Variants in OR1F1 observed in about 807,000 individuals in gnomAD.
OR1F1 encodes olfactory receptor family 1 subfamily F member 1, also known as olfactory receptor 1F1.
For synonymous variants in OR1F1, 184 were observed against 156.7 expected, an observed-to-expected ratio of 1.17 and a Z score of -1.30; for missense variants, 493 against 376.3, an observed-to-expected ratio of 1.31 and a Z score of -2.57.
the OR1F1 span, among the ~76,000 whole-genome samples, chr16:3,189,094 T>C: frequency 6.6e-6 from 1 of 152,142 alleles, no homozygotes; most frequent in Non-Finnish European, 1.5e-5. Flanking sequence ...AAACTCGCTT[T>C]CTGGGTTTTG....
At chr16:3,190,735 G>A in the OR1F1 span, among the ~76,000 whole-genome samples, 1 of 129,202 alleles carries the variant, frequency 7.7e-6, no homozygotes, top group South Asian at 2.6e-4. Flanking sequence ...TGGGTGACAA[G>A]GTAAGACTCT....
chr16:3,203,540 C>T (rs146161819), upstream of OR1F1, among the ~76,000 whole-genome samples: 5,350 of 152,190 alleles, frequency 0.035, 310 homozygotes, highest in African/African-American at 0.12. Flanking sequence ...CCAAGGCGGG[C>T]GGATCACGAG....
the OR1F1 span, among the ~76,000 whole-genome samples, chr16:3,192,072 T>C: frequency 3.9e-5 from 6 of 152,298 alleles, no homozygotes; most frequent in South Asian, 6.2e-4. Context: ...TCTTCTTATT[T>C]TTGAGACAGA....
At chr16:3,192,024 A>G in the OR1F1 span, among the ~76,000 whole-genome samples, 44,977 of 151,376 alleles carry the variant, frequency 0.3, 7,628 homozygotes, top group African/African-American at 0.47. Context: ...CTCGCTTAGG[A>G]TGCGAGAGGT....
upstream of OR1F1, among the ~76,000 whole-genome samples, chr16:3,200,040 AAGTT>A (rs1958119692): frequency 6.6e-6 from 1 of 151,986 alleles, no homozygotes; most frequent in Non-Finnish European, 1.5e-5. Flanking sequence ...AAGAAGAACA[AAGTT>A]AGGTGCAGAA....
the OR1F1 span, among the ~76,000 whole-genome samples, chr16:3,199,224 G>T: frequency 6.6e-6 from 1 of 150,654 alleles, no homozygotes; most frequent in Non-Finnish European, 1.5e-5. Context: ...AATCACCTGA[G>T]CCTGGAAGGT....
exon 1 of OR1F1, chr16:3,204,931 C>G: frequency 6.2e-7 from 1 of 1,614,152 alleles, no homozygotes; most frequent in Non-Finnish European, 8.5e-7. Context: ...CCTGAAGGTC[C>G]CATCCACAAA....
chr16:3,205,222 T>G, downstream of OR1F1: 1 of 1,495,278 alleles, frequency 6.7e-7, no homozygotes, highest in Non-Finnish European at 9.1e-7. Flanking sequence ...CCCAAGGAAA[T>G]TTATTTTTCA....
chr16:3,204,848 G>C (rs746229342), exon 1 of OR1F1: 3 of 1,614,078 alleles, frequency 1.9e-6, no homozygotes, highest in Non-Finnish European at 2.5e-6. Context: ...ATAATCCTTA[G>C]TGAGGGTGCC....
upstream of OR1F1, among the ~76,000 whole-genome samples, chr16:3,202,938 T>G (rs1026104278): frequency 6.6e-6 from 1 of 152,074 alleles, no homozygotes; most frequent in South Asian, 2.1e-4. Context: ...AATTGAGTGC[T>G]GGTCTGTGAA....
chr16:3,206,021 G>T (rs944502319), downstream of OR1F1, among the ~76,000 whole-genome samples: 2 of 152,208 alleles, frequency 1.3e-5, no homozygotes, highest in Non-Finnish European at 2.9e-5. Context: ...GCCTATAAAT[G>T]GACGTGCAAG....
At chr16:3,205,323 T>C, downstream of OR1F1, 1 of 666,398 alleles carries the variant, frequency 1.5e-6, no homozygotes, top group Non-Finnish European at 2.5e-6. Flanking sequence ...CTATTAATTA[T>C]AATTTTTTTT....
the OR1F1 span, among the ~76,000 whole-genome samples, chr16:3,197,735 G>A: frequency 3.2e-5 from 4 of 123,994 alleles, no homozygotes; most frequent in Non-Finnish European, 3.4e-5. Context: ...GAGAGGGAGA[G>A]GGAGAAGGAG....
the OR1F1 span, among the ~76,000 whole-genome samples, chr16:3,191,540 C>A: frequency 2.6e-5 from 4 of 152,158 alleles, no homozygotes; most frequent in Non-Finnish European, 5.9e-5. Context: ...GACTCTTAAT[C>A]TCAGGGTCGT....
At chr16:3,192,011 A>G in the OR1F1 span, among the ~76,000 whole-genome samples, 8 of 152,080 alleles carry the variant, frequency 5.3e-5, no homozygotes, top group South Asian at 2.1e-4. Flanking sequence ...TAGGGGTATG[A>G]TTCTCGCTTA....
upstream of OR1F1, among the ~76,000 whole-genome samples, chr16:3,201,280 T>C (rs890275595): frequency 6.6e-6 from 1 of 152,238 alleles, no homozygotes; most frequent in Non-Finnish European, 1.5e-5. Flanking sequence ...TGTACAATAA[T>C]TGTTGTACAA....
At chr16:3,198,342 A>C in the OR1F1 span, among the ~76,000 whole-genome samples, 8 of 152,044 alleles carry the variant, frequency 5.3e-5, no homozygotes, top group African/African-American at 1.2e-4. Flanking sequence ...GGGATTCTGA[A>C]GGCACAAAAT....
At chr16:3,190,120 TGAGA>T in the OR1F1 span, among the ~76,000 whole-genome samples, 1 of 152,132 alleles carries the variant, frequency 6.6e-6, no homozygotes, top group African/African-American at 2.4e-5. Flanking sequence ...GCAGTCTTAA[TGAGA>T]GAGTGAGCCA....
the OR1F1 span, among the ~76,000 whole-genome samples, chr16:3,196,047 G>C: frequency 6.6e-6 from 1 of 152,238 alleles, no homozygotes; most frequent in Admixed American, 6.5e-5. Flanking sequence ...CTCTTCTCCT[G>C]GGAAGGGCAG....
Sources: allele counts gnomAD v4.1 joint callset (sites outside exome capture counted in the v4.1 genomes callset), GRCh38; gene constraint gnomAD v4.1.1; transcripts MANE v1.5; gene names NCBI Gene and HGNC (gene_info 2026-07-23, HGNC 2026-07-21).